The following AP1M2 variants were observed in gnomAD, a reference collection of about 807,000 sequenced individuals.
AP1M2 encodes the protein adaptor related protein complex 1 subunit mu 2.
AP1M2 carries 41 observed loss-of-function variants against 54.6 expected under a neutral mutation model. That is an observed-to-expected ratio of 0.75 (90% confidence interval 0.59 to 0.97). The LOEUF is 0.97. Ranked by LOEUF, AP1M2 falls within the 50% of genes least tolerant of loss-of-function variation. The pLI is 0.00. For missense variants in AP1M2, 507 were observed against 561.2 expected (o/e 0.90, Z 0.98); for synonymous variants, 219 against 215.9 (o/e 1.01, Z -0.13).
chr19:10,573,001 C>T lies in AP1M2; in HGVS notation c.*65G>A, dbSNP rs972700167. On this transcript the variant is annotated 3_prime_UTR_variant, in exon 12 of 12. Coordinates refer to ENST00000250244, the MANE Select transcript of AP1M2 (RefSeq NM_005498.5). Reference sequence around the variant, plus strand: ...ACACACACAGCCCGCACCTGCCCTCCCTCTAAAATCTGCATCCGGGGCTGT... The same window carrying T: ...ACACACACAGCCCGCACCTGCCCTCTCTCTAAAATCTGCATCCGGGGCTGT... 5 of 1,515,588 alleles carry T rather than the reference C, an allele frequency of 3.3e-6. No individual in the cohort carries two copies. Among genetic ancestry groups the T allele is most frequent in the Admixed American group, 3.9e-5 (2 of 50,986 alleles). The allele number at this position is 1,515,588 out of a possible 1,614,324, so 93.9% of individuals were successfully genotyped here.
At chr19:10,583,475 A>G in intron 3 of AP1M2, 131 bp downstream of exon 3, 1 of 284,234 alleles carries the variant, frequency 3.5e-6, no homozygotes, top group Admixed American at 5.3e-5. Context: ...TCTCTACCAG[A>G]AAAAAAAAAA....
At chr19:10,583,128 TTTC>T (rs1316935302) in intron 3 of AP1M2, among the ~76,000 whole-genome samples, 1 of 138,450 alleles carries the variant, frequency 7.2e-6, no homozygotes, top group Non-Finnish European at 1.5e-5. Context: ...GCCTGGCCTT[TTTC>T]TTTTTTTTTT....
chr19:10,578,874 C>A lies in AP1M2; in HGVS notation c.888+18G>T. ...CCCGAGATCATGCATTGTTAATAAGCATTCCCCCAAGGCCCACCTTGACCA... is the reference window on the plus strand; with the variant it reads ...CCCGAGATCATGCATTGTTAATAAGAATTCCCCCAAGGCCCACCTTGACCA... On this transcript the variant is annotated intron_variant, in intron 8 of 11. Transcript: ENST00000250244. The A allele has an allele frequency of 6.3e-7, 1 of 1,599,266 alleles. No individual in the cohort carries two copies. The highest frequency in any genetic ancestry group is 8.5e-7 in the Non-Finnish European group (1 of 1,172,196).
At chr19:10,575,624 G>T (rs1028798811) in intron 9 of AP1M2, among the ~76,000 whole-genome samples, 2 of 151,982 alleles carry the variant, frequency 1.3e-5, no homozygotes, top group Non-Finnish European at 2.9e-5. Flanking sequence ...ATTGGCAGGG[G>T]GATATTTAAA....
rs541483826 is a variant in AP1M2 at position 10,576,027 on chromosome 19, C to T, written c.1048-998G>A. Among the ~76,000 whole-genome samples, 704 of 151,092 alleles carry T rather than the reference C, an allele frequency of 4.7e-3. 2 individuals carry two copies. The highest frequency in any genetic ancestry group is 8.3e-3 in the Non-Finnish European group (566 of 67,818). On this transcript the variant is annotated intron_variant, in intron 9 of 11. Transcript: ENST00000250244. The stretch of plus-strand genomic sequence containing the variant: ...TGACCTCGTAATCTGCCCGCCTCAG[C>T]CTCCCAAAGTGCTGGGAATTACAGG...
intron 8 of AP1M2, among the ~76,000 whole-genome samples, chr19:10,577,734 C>CTTTTTTTTTT (rs61052727): frequency 1.8e-5 from 2 of 113,510 alleles, no homozygotes; most frequent in African/African-American, 3.4e-5. Context: ...CATGCTTGGC[C>CTTTTTTTTTT]TTTTTTTTTT....
intron 6 of AP1M2, 31 bp from the exon 7 acceptor site, chr19:10,579,889 C>T (rs1359009755): frequency 5.1e-6 from 8 of 1,559,096 alleles, no homozygotes; most frequent in Non-Finnish European, 7.0e-6. Flanking sequence ...TGGAGAGTGA[C>T]CCTGGGAACC....
chr19:10,576,400 C>T (rs1917235835), intron 9 of AP1M2, among the ~76,000 whole-genome samples: 2 of 151,248 alleles, frequency 1.3e-5, no homozygotes, highest in African/African-American at 4.9e-5. Flanking sequence ...ATAGCTGGGA[C>T]TACAGGCGCC....
At chr19:10,585,491 G>C (rs1330864505) in intron 1 of AP1M2, among the ~76,000 whole-genome samples, 1 of 152,064 alleles carries the variant, frequency 6.6e-6, no homozygotes, top group African/African-American at 2.4e-5. Flanking sequence ...GAGGTCAAGA[G>C]TTCGAGACCA....
chr19:10,585,221 AAAG>A (rs1187394910), intron 1 of AP1M2, among the ~76,000 whole-genome samples: 1 of 146,320 alleles, frequency 6.8e-6, no homozygotes, highest in Non-Finnish European at 1.5e-5. Context: ...TCAAAAAAAG[AAAG>A]AAGAAAAGAA....
rs751183608 is a variant in AP1M2, at chr19:10,579,708, T to G, written c.816+8A>C. The G allele has an allele frequency of 1.9e-6, 3 of 1,611,364 alleles. No individual in the cohort carries two copies. The Admixed American group carries it at 5.0e-5, about 27-fold the overall frequency. ...ACTCCACCCAGATGGGGCTGGACCC[T>G]GCCTCACCTGGGTGCTGAGGCGGTA... On this transcript the variant is annotated splice_region_variant and intron_variant, in intron 7 of 11. Transcript: ENST00000250244.
At position 10,581,402 on chromosome 19, in the gene AP1M2, G is replaced by A. The variant is rs1207616862; in HGVS notation, c.547-10C>T. ...TGCCGTTGGCATTGACCTGAGGGAG[G>A]ACGTTGGGTATAGTTAGCAGGCATC... is the stretch of plus-strand genomic sequence containing the variant. On this transcript the variant is annotated splice_polypyrimidine_tract_variant and intron_variant, in intron 5 of 11. Transcript: ENST00000250244. The A allele has an allele frequency of 6.2e-7, 1 of 1,609,484 alleles. No individual in the cohort carries two copies. Among genetic ancestry groups the A allele is most frequent in the African/African-American group, 1.3e-5 (1 of 74,856 alleles).
At chr19:10,578,124 TGG>T (rs1917307120) in intron 8 of AP1M2, among the ~76,000 whole-genome samples, 1 of 152,182 alleles carries the variant, frequency 6.6e-6, no homozygotes, top group East Asian at 1.9e-4. Flanking sequence ...CTCATGGGTG[TGG>T]GCCTGAGTTC....
rs919615144 is a variant in AP1M2 at position 10,579,728 on chromosome 19, G to T, written c.804C>A (p.Arg268=). 1.2e-6 allele frequency: 2 copies of T among 1,613,216 alleles called. No homozygotes were observed. The highest frequency in any genetic ancestry group is 1.7e-6 in the Non-Finnish European group (2 of 1,179,624). ...PDGDFELMSY[R]LSTQVKPLIW... The stretch of plus-strand genomic sequence containing the variant: ...GACCCTGCCTCACCTGGGTGCTGAG[G>T]CGGTATGACATGAGCTCAAAGTCAC... The change falls in exon 7 of 12, where the codon CGC becomes CGA. Residue 268 remains arginine, a synonymous_variant. Transcript: ENST00000250244.
chr19:10,587,041 G>C (rs1053979940), intron 1 of AP1M2, 149 bp downstream of exon 1: 4 of 855,944 alleles, frequency 4.7e-6, no homozygotes, highest in Non-Finnish European at 7.2e-6. Context: ...GGCACAAGGC[G>C]AGTGGATGCT....
At chr19:10,574,180 C>T (rs1017321573) in intron 11 of AP1M2, among the ~76,000 whole-genome samples, 3 of 152,038 alleles carry the variant, frequency 2.0e-5, no homozygotes, top group East Asian at 1.9e-4. Flanking sequence ...CCACCACACC[C>T]GGCTAATTTT....
chr19:10,587,057 TG>T, intron 1 of AP1M2, 132 bp downstream of exon 1: 2 of 993,998 alleles, frequency 2.0e-6, no homozygotes, highest in Non-Finnish European at 3.0e-6. Context: ...ATGCTGGAGG[TG>T]GGATTCCCAG....
chr19:10,581,906 CA>C, intron 3 of AP1M2, 28 bp from the exon 4 acceptor site: 1 of 1,556,798 alleles, frequency 6.4e-7, no homozygotes, highest in South Asian at 1.2e-5. Context: ...GAGAGACCCA[CA>C]AAAGTGTGGC....
At chr19:10,579,918 C>G in intron 6 of AP1M2, 60 bp from the exon 7 acceptor site, 1 of 1,496,676 alleles carries the variant, frequency 6.7e-7, no homozygotes, top group African/African-American at 1.4e-5. Context: ...ATCCCTATCC[C>G]CACCTTTCCT....
Sources: allele counts gnomAD v4.1 joint callset (sites outside exome capture counted in the v4.1 genomes callset), GRCh38; gene constraint gnomAD v4.1.1; transcripts MANE v1.5; gene names NCBI Gene and HGNC (gene_info 2026-07-23, HGNC 2026-07-21).